The following HDAC9 variants were observed in gnomAD, a reference collection of about 807,000 sequenced individuals.
HDAC9 encodes MEF-2 interacting transcription repressor (MITR) protein.
A neutral mutation model predicts 139.4 loss-of-function variants in HDAC9; 41 were observed. The observed-to-expected ratio is 0.29, with a 90% CI of 0.23 to 0.38. The LOEUF (loss-of-function observed/expected upper bound fraction) is 0.38, where lower values mean the gene tolerates loss of function less well. Ranked by LOEUF, HDAC9 falls within the 10% of genes least tolerant of loss-of-function variation. The pLI, the probability that HDAC9 is intolerant of heterozygous loss-of-function variation, is 1.00. For missense variants in HDAC9, 1,147 were observed against 1,297.0 expected (o/e 0.88, Z 1.78); for synonymous variants, 517 against 476.2 (o/e 1.09, Z -1.12).
At chr7:18,709,124 A>C (rs748580979) in intron 12 of HDAC9, among the ~76,000 whole-genome samples, 1 of 148,578 alleles carries the variant, frequency 6.7e-6, no homozygotes, top group Non-Finnish European at 1.5e-5. Flanking sequence ...CAGGTTTGTT[A>C]CATAGGTATA....
intron 22 of HDAC9, among the ~76,000 whole-genome samples, chr7:18,885,994 G>A (rs1800117878): frequency 6.6e-6 from 1 of 152,144 alleles, no homozygotes; most frequent in Non-Finnish European, 1.5e-5. Flanking sequence ...ATTTATGATT[G>A]CATGTAATAG....
intron 22 of HDAC9, among the ~76,000 whole-genome samples, chr7:18,892,869 G>A (rs181700894): frequency 8.8e-4 from 134 of 152,016 alleles, no homozygotes; most frequent in Admixed American, 1.8e-3. Context: ...ATAGAGAGAT[G>A]TGATTTATAT....
chr7:18,286,037 C>T (rs1797429140), upstream of HDAC9, among the ~76,000 whole-genome samples: 2 of 152,042 alleles, frequency 1.3e-5, no homozygotes, highest in Admixed American at 6.6e-5. Flanking sequence ...AACCTGTAAA[C>T]ATTTGCTTTT....
chr7:18,829,970 G>T (rs1334795791), intron 19 of HDAC9, among the ~76,000 whole-genome samples: 2 of 152,120 alleles, frequency 1.3e-5, no homozygotes, highest in African/African-American at 4.8e-5. Flanking sequence ...TGCAACAGTG[G>T]TATTATTAAA....
chr7:18,891,494 C>A (rs1800676531), intron 22 of HDAC9, among the ~76,000 whole-genome samples: 1 of 152,122 alleles, frequency 6.6e-6, no homozygotes, highest in South Asian at 2.1e-4. Flanking sequence ...ATGAGATCAG[C>A]AATTAGGAAG....
At chr7:18,683,989 G>A (rs1467706041) in intron 12 of HDAC9, among the ~76,000 whole-genome samples, 1 of 151,904 alleles carries the variant, frequency 6.6e-6, no homozygotes, top group East Asian at 1.9e-4. Context: ...AGGCGCAGTG[G>A]CTCACACCAA....
At chr7:18,666,100 T>A in intron 11 of HDAC9, 113 bp from the exon 12 acceptor site, 2 of 1,149,988 alleles carry the variant, frequency 1.7e-6, no homozygotes, top group Non-Finnish European at 2.5e-6. Context: ...CTGAAATTTA[T>A]GTTCAATGAT....
At chr7:18,774,246 T>C (rs1790566391) in intron 16 of HDAC9, among the ~76,000 whole-genome samples, 1 of 152,080 alleles carries the variant, frequency 6.6e-6, no homozygotes, top group Admixed American at 6.6e-5. Context: ...CATTGAGTCA[T>C]TATTTCTATG....
At chr7:18,767,849 C>T (rs1230141120) in intron 16 of HDAC9, among the ~76,000 whole-genome samples, 1 of 152,078 alleles carries the variant, frequency 6.6e-6, no homozygotes, top group Non-Finnish European at 1.5e-5. Context: ...GTTAGAACAA[C>T]ATAATTCTAG....
chr7:18,230,850 A>G (rs1442201225), intron 2 of HDAC9, among the ~76,000 whole-genome samples: 2 of 152,222 alleles, frequency 1.3e-5, no homozygotes, highest in Non-Finnish European at 2.9e-5. Context: ...CGTTCCAACA[A>G]CATAATTATT....
At chr7:18,484,577 C>T (rs1270923551) in intron 1 of HDAC9, among the ~76,000 whole-genome samples, 4 of 152,082 alleles carry the variant, frequency 2.6e-5, no homozygotes, top group Admixed American at 2.6e-4. Flanking sequence ...ATAGCATTAA[C>T]TTATGTTTGT....
intron 17 of HDAC9, among the ~76,000 whole-genome samples, chr7:18,819,024 A>G (rs181321927): frequency 3.9e-5 from 6 of 152,318 alleles, no homozygotes; most frequent in African/African-American, 1.2e-4. Context: ...TCATGCCTGT[A>G]ATGCCAGCAC....
At chr7:18,823,418 T>C (rs1313070212) in intron 17 of HDAC9, among the ~76,000 whole-genome samples, 1 of 152,172 alleles carries the variant, frequency 6.6e-6, no homozygotes, top group African/African-American at 2.4e-5. Flanking sequence ...GTTGTGAATT[T>C]AGACAAGTCA....
intron 20 of HDAC9, 83 bp downstream of exon 20, chr7:18,835,669 C>A (rs776478151): frequency 3.9e-6 from 6 of 1,554,194 alleles, no homozygotes; most frequent in Non-Finnish European, 2.7e-6. Flanking sequence ...ATTTTCTTGT[C>A]CTTTGCTGGT....
Position 18,755,438 on chromosome 7 carries a change from A to G in HDAC9, c.2043+6300A>G, listed in dbSNP as rs565076431. 7.6e-4 allele frequency among the ~76,000 whole-genome samples: 116 copies of G among 152,320 alleles called. No homozygotes were observed. In the South Asian group the frequency reaches 0.023, roughly 30 times the overall value. On this transcript the variant is annotated intron_variant, in intron 14 of 25. Coordinates refer to ENST00000686413, the MANE Select transcript of HDAC9 (RefSeq NM_178425.4). Reference sequence around the variant, plus strand: ...GAAGCTTATTAATAAAAAGAGTTATATAATTTTCACCCATTTGAAAATTGC... The same window carrying G: ...GAAGCTTATTAATAAAAAGAGTTATGTAATTTTCACCCATTTGAAAATTGC...
intron 2 of HDAC9, among the ~76,000 whole-genome samples, chr7:18,245,862 A>G (rs561486801): frequency 2.0e-5 from 3 of 152,162 alleles, no homozygotes; most frequent in Middle Eastern, 3.4e-3. Flanking sequence ...GGCCTGATAT[A>G]TATTTTTGAA....
intron 12 of HDAC9, among the ~76,000 whole-genome samples, chr7:18,699,404 A>T (rs537375101): frequency 3.3e-5 from 5 of 151,764 alleles, no homozygotes; most frequent in Admixed American, 3.3e-4. Context: ...GTGTGTGTGT[A>T]CGTGTGTGTC....
rs544298748 is a variant in HDAC9 at position 18,430,960 on chromosome 7, C to T, written c.-41-65302C>T. On this transcript the variant is annotated intron_variant, in intron 1 of 3. Transcript: ENST00000413509. ...ACACACTGATATTTTCTATTCTGTT[C>T]CAGACTAATCTCATCTAGCCTACAC... 3.9e-5 allele frequency among the ~76,000 whole-genome samples: 6 copies of T among 152,210 alleles called. No homozygotes were observed. In the South Asian group the frequency reaches 1.0e-3, roughly 26 times the overall value.
At position 18,887,873 on chromosome 7, in the gene HDAC9, C is replaced by T. The variant is rs191761406; in HGVS notation, c.2803+13277C>T. On this transcript the variant is annotated intron_variant, in intron 22 of 25. Transcript: ENST00000686413. ...ACTGAACCTCTAGACTTGTCCCATG[C>T]AACGCCAAGATTTGTGGCCACAGAG... Among the ~76,000 whole-genome samples the T allele has an allele frequency of 2.0e-4, 31 of 152,252 alleles. 1 individual carries two copies. The highest frequency in any genetic ancestry group is 6.5e-4 in the African/African-American group (27 of 41,546).
Sources: allele counts gnomAD v4.1 joint callset (sites outside exome capture counted in the v4.1 genomes callset), GRCh38; gene constraint gnomAD v4.1.1; transcripts MANE v1.5; gene names NCBI Gene and HGNC (gene_info 2026-07-23, HGNC 2026-07-21).